The following GKAP1 variants were observed in gnomAD, a reference collection of about 807,000 sequenced individuals.
The protein encoded by GKAP1 is G kinase anchoring protein 1.
A neutral mutation model predicts 56.7 loss-of-function variants in GKAP1; 31 were observed. The ratio of observed to expected loss-of-function variants is 0.55; its 90% CI spans 0.41 to 0.74. The LOEUF (loss-of-function observed/expected upper bound fraction) is 0.74, where lower values mean the gene tolerates loss of function less well. Among genes scored for constraint, GKAP1 ranks in the 30% least tolerant of loss-of-function variants. GKAP1 has a pLI of 0.00. For synonymous variants in GKAP1, 151 were observed against 138.6 expected (o/e 1.09, Z -0.63); for missense variants, 364 against 402.3 (o/e 0.90, Z 0.82).
At chr9:83,785,316 A>G (rs1944045754) in intron 5 of GKAP1, among the ~76,000 whole-genome samples, 2 of 152,154 alleles carry the variant, frequency 1.3e-5, no homozygotes, top group African/African-American at 4.8e-5. Context: ...TCAAAAGCGT[A>G]GCGGTTGTTC....
At chr9:83,806,690 C>T (rs1944444436) in intron 2 of GKAP1, 130 bp from the exon 3 acceptor site, 6 of 579,090 alleles carry the variant, frequency 1.0e-5, no homozygotes, top group Non-Finnish European at 1.8e-5. Context: ...TGGATTAATA[C>T]CCACAGCACT....
At chr9:83,796,760 C>T (rs1448943813) in intron 4 of GKAP1, among the ~76,000 whole-genome samples, 1 of 152,196 alleles carries the variant, frequency 6.6e-6, no homozygotes. Flanking sequence ...AGCCACCGCA[C>T]CCGGCCCCAT....
intron 7 of GKAP1, among the ~76,000 whole-genome samples, chr9:83,773,537 A>C (rs914698537): frequency 2.0e-5 from 3 of 152,134 alleles, no homozygotes; most frequent in African/African-American, 4.8e-5. Context: ...TTAAAAAAAA[A>C]ACACACTTGA....
At chr9:83,815,570 GA>G (rs1476772571) in intron 2 of GKAP1, among the ~76,000 whole-genome samples, 1 of 146,408 alleles carries the variant, frequency 6.8e-6, no homozygotes, top group Non-Finnish European at 1.5e-5. Context: ...GGGAACTTCA[GA>G]AAACACACAC....
chr9:83,771,116 C>T (rs530623292), intron 7 of GKAP1, among the ~76,000 whole-genome samples: 2 of 152,226 alleles, frequency 1.3e-5, no homozygotes, highest in East Asian at 3.9e-4. Flanking sequence ...GGCTGGAGTG[C>T]AGTGGCCCAA....
intron 2 of GKAP1, among the ~76,000 whole-genome samples, chr9:83,807,842 G>A (rs1944459626): frequency 2.0e-5 from 3 of 152,150 alleles, no homozygotes; most frequent in African/African-American, 7.2e-5. Flanking sequence ...TAAGAAGTAA[G>A]GATCATTAAG....
In GKAP1 at chr9:83,739,637, T is replaced by C. The variant is rs1943173104; in HGVS notation, c.*60A>G. ...TAGCAGTTGCACAGCATTAAATATA[T>C]ACAACTTTGCAAAATCCTGGAAGTT... On this transcript the variant is annotated 3_prime_UTR_variant, in exon 13 of 13. Transcript: ENST00000376371. The C allele has an allele frequency of 2.3e-5, 32 of 1,421,132 alleles. No individual in the cohort carries two copies. Among genetic ancestry groups the C allele is most frequent in the Non-Finnish European group, 2.9e-5 (30 of 1,028,540 alleles). The allele number at this position is 1,421,132 out of a possible 1,614,324, so 88.0% of individuals were successfully genotyped here. A position where few individuals can be genotyped will look rare whatever the true frequency, so the allele number is the denominator to read the frequency against.
At chr9:83,763,402 T>C (rs529527940) in intron 8 of GKAP1, among the ~76,000 whole-genome samples, 30 of 152,330 alleles carry the variant, frequency 2.0e-4, no homozygotes, top group Admixed American at 1.1e-3. Context: ...TAGTCAATAA[T>C]TTAATTGTAC....
At chr9:83,807,416 G>C (rs1336986203) in intron 2 of GKAP1, among the ~76,000 whole-genome samples, 1 of 152,158 alleles carries the variant, frequency 6.6e-6, no homozygotes, top group Non-Finnish European at 1.5e-5. Context: ...AGAAGACTAA[G>C]TGCTCTTCTA....
intron 3 of GKAP1, among the ~76,000 whole-genome samples, chr9:83,802,887 T>G (rs1944354877): frequency 6.6e-6 from 1 of 151,850 alleles, no homozygotes; most frequent in Non-Finnish European, 1.5e-5. Flanking sequence ...ATCCCAGCAC[T>G]TTGGGAGGCC....
At chr9:83,801,472 A>C (rs1057196323) in intron 3 of GKAP1, among the ~76,000 whole-genome samples, 3 of 151,888 alleles carry the variant, frequency 2.0e-5, no homozygotes, top group Non-Finnish European at 4.4e-5. Context: ...TTTAACTGTT[A>C]ATATTAGGTT....
At chr9:83,805,678 T>C (rs879411832) in intron 3 of GKAP1, among the ~76,000 whole-genome samples, 17 of 152,186 alleles carry the variant, frequency 1.1e-4, no homozygotes, top group Non-Finnish European at 1.8e-4. Context: ...TATAAATTTA[T>C]ATATGTGTAC....
chr9:83,760,024 A>G (rs1053359612), intron 8 of GKAP1, among the ~76,000 whole-genome samples: 2 of 152,172 alleles, frequency 1.3e-5, no homozygotes, highest in African/African-American at 4.8e-5. Flanking sequence ...CATTACCTCC[A>G]TACTTTTACT....
chr9:83,794,601 G>A (rs1025798970), intron 4 of GKAP1, among the ~76,000 whole-genome samples: 7 of 152,158 alleles, frequency 4.6e-5, no homozygotes, highest in East Asian at 3.9e-4. Flanking sequence ...TACCAGTGAC[G>A]TGTAGAGTTT....
At chr9:83,804,315 G>A (rs112690650) in intron 3 of GKAP1, among the ~76,000 whole-genome samples, 49,081 of 123,838 alleles carry the variant, frequency 0.4, 9,925 homozygotes, top group African/African-American at 0.51. Flanking sequence ...TCAGCACCCC[G>A]CCCGGCCAGC....
At chr9:83,772,222 G>C (rs939563532) in intron 7 of GKAP1, among the ~76,000 whole-genome samples, 1 of 152,078 alleles carries the variant, frequency 6.6e-6, no homozygotes, top group East Asian at 1.9e-4. Flanking sequence ...CAATGAATAA[G>C]ACAGTATGGT....
intron 2 of GKAP1, among the ~76,000 whole-genome samples, chr9:83,814,240 CCT>C (rs1378879858): frequency 6.6e-6 from 1 of 152,078 alleles, no homozygotes; most frequent in African/African-American, 2.4e-5. Context: ...CTCTAGCAAC[CCT>C]CTTTCTTCAG....
intron 7 of GKAP1, among the ~76,000 whole-genome samples, chr9:83,770,440 A>G (rs1376626338): frequency 6.6e-6 from 1 of 152,238 alleles, no homozygotes; most frequent in Non-Finnish European, 1.5e-5. Flanking sequence ...ACTCTTGTCC[A>G]AAATCAATAG....
chr9:83,816,435 A>C (rs1944597777), intron 2 of GKAP1, among the ~76,000 whole-genome samples: 1 of 152,224 alleles, frequency 6.6e-6, no homozygotes, highest in East Asian at 1.9e-4. Context: ...CCACGAGTAA[A>C]ATACATCTAT....
Sources: gnomAD v4.1 joint callset for allele counts (sites outside exome capture counted in the v4.1 genomes callset) on GRCh38, gnomAD v4.1.1 for gene constraint, MANE v1.5 for transcripts, NCBI Gene and HGNC (gene_info 2026-07-23, HGNC 2026-07-21) for gene names.